Variants in MALRD1 observed in about 807,000 individuals in gnomAD.
The protein encoded by MALRD1 is MAM and LDL receptor class A domain containing 1.
MALRD1 carries 247 observed loss-of-function variants against 242.1 expected under a neutral mutation model. That is an observed-to-expected ratio of 1.02 (90% CI 0.92 to 1.13). The LOEUF is 1.13. Among genes scored for constraint, MALRD1 ranks in the 50% most tolerant of loss-of-function variants. The pLI, the probability that MALRD1 is intolerant of heterozygous loss-of-function variation, is 0.00. For missense variants in MALRD1, 2,989 were observed against 2,533.1 expected (o/e 1.18, Z -3.86); for synonymous variants, 995 against 866.6 (o/e 1.15, Z -2.60).
At chr10:19,608,674 T>C (rs1403793044) in intron 35 of MALRD1, among the ~76,000 whole-genome samples, 2 of 152,088 alleles carry the variant, frequency 1.3e-5, no homozygotes, top group Admixed American at 1.3e-4. Context: ...GAAAATACTC[T>C]GTATCTTTCA....
intron 5 of MALRD1, among the ~76,000 whole-genome samples, chr10:19,123,088 C>T (rs1837123155): frequency 6.6e-6 from 1 of 152,134 alleles, no homozygotes; most frequent in African/African-American, 2.4e-5. Context: ...GGAAGATCCA[C>T]CTTCCAGGTT....
chr10:19,637,869 G>A (rs188061482), intron 36 of MALRD1, among the ~76,000 whole-genome samples: 1 of 152,130 alleles, frequency 6.6e-6, no homozygotes, highest in African/African-American at 2.4e-5. Context: ...GGGAGGCCGA[G>A]GCAGGTGGAT....
At chr10:19,705,410 T>G (rs1833816919) in intron 38 of MALRD1, among the ~76,000 whole-genome samples, 3 of 152,170 alleles carry the variant, frequency 2.0e-5, no homozygotes. Context: ...CTCATAATGC[T>G]GGCAAAACCG....
intron 32 of MALRD1, among the ~76,000 whole-genome samples, chr10:19,544,023 GT>G (rs903749907): frequency 6.6e-5 from 10 of 151,140 alleles, no homozygotes; most frequent in African/African-American, 2.2e-4. Flanking sequence ...GCTGAATTGT[GT>G]TTTTTTTCAC....
chr10:19,607,749 C>T, intron 34 of MALRD1, 28 bp from the exon 35 acceptor site: 1 of 1,541,546 alleles, frequency 6.5e-7, no homozygotes, highest in Non-Finnish European at 8.7e-7. Context: ...TGCTGGCATC[C>T]CTGATCATTA....
chr10:19,407,101 C>G (rs1317549936), intron 28 of MALRD1, among the ~76,000 whole-genome samples: 1 of 152,110 alleles, frequency 6.6e-6, no homozygotes, highest in East Asian at 1.9e-4. Flanking sequence ...AATCTGGCTT[C>G]TATGAGCATG....
chr10:19,620,018 TA>T (rs1306034184), intron 36 of MALRD1, among the ~76,000 whole-genome samples: 417 of 37,810 alleles, frequency 0.011, 4 homozygotes, highest in African/African-American at 0.035. Flanking sequence ...ATAATAATAA[TA>T]AATAATAATA....
At chr10:19,367,755 A>G (rs1290899332) in intron 26 of MALRD1, among the ~76,000 whole-genome samples, 6 of 152,072 alleles carry the variant, frequency 3.9e-5, no homozygotes, top group Admixed American at 2.0e-4. Context: ...TTTTCTCTGC[A>G]TTCTCACCAG....
At chr10:19,108,423 T>A (rs1367913641) in intron 5 of MALRD1, among the ~76,000 whole-genome samples, 3 of 19,530 alleles carry the variant, frequency 1.5e-4, no homozygotes, top group Non-Finnish European at 2.3e-4. Context: ...TTTTTTTTTT[T>A]TTAAGACGGA....
chr10:19,602,382 T>C (rs1365843941), intron 34 of MALRD1, among the ~76,000 whole-genome samples: 1 of 142,164 alleles, frequency 7.0e-6, no homozygotes, highest in African/African-American at 2.7e-5. Flanking sequence ...TGTGTGATGT[T>C]ACCCTTCCTG....
chr10:19,683,422 C>T (rs1325171830), intron 36 of MALRD1, among the ~76,000 whole-genome samples: 3 of 152,158 alleles, frequency 2.0e-5, no homozygotes, highest in Non-Finnish European at 4.4e-5. Flanking sequence ...TCATGTGCAT[C>T]GTAATATTTA....
At chr10:19,584,498 G>T (rs1837292025) in intron 33 of MALRD1, among the ~76,000 whole-genome samples, 1 of 152,136 alleles carries the variant, frequency 6.6e-6, no homozygotes, top group African/African-American at 2.4e-5. Flanking sequence ...TAGTCATTCA[G>T]GAGCAGGTTG....
Position 19,555,093 on chromosome 10 carries a change from C to CA in MALRD1, c.5479-12408dup, listed in dbSNP as rs545914169. On this transcript the variant is annotated intron_variant, in intron 32 of 39. Coordinates refer to ENST00000454679, the MANE Select transcript of MALRD1 (RefSeq NM_001142308.3). ...TTTTAATAATCGCCATTCTGACTGG[C>CA]ATGAGATGATATCTCATTGTGTTTT... Among the ~76,000 whole-genome samples the CA allele has an allele frequency of 2.1e-3, 314 of 152,200 alleles. 2 individuals carry two copies. Among genetic ancestry groups the CA allele is most frequent in the African/African-American group, 6.2e-3 (258 of 41,540 alleles).
intron 2 of MALRD1, among the ~76,000 whole-genome samples, chr10:19,075,259 C>T (rs988750802): frequency 4.6e-5 from 7 of 152,082 alleles, no homozygotes; most frequent in African/African-American, 1.7e-4. Context: ...AATTTCCTAT[C>T]CTCTGGTTAT....
intron 23 of MALRD1, among the ~76,000 whole-genome samples, chr10:19,330,257 A>G (rs1843305565): frequency 6.6e-6 from 1 of 151,746 alleles, no homozygotes; most frequent in Non-Finnish European, 1.5e-5. Context: ...TGATAATGTG[A>G]GAGGCATGAT....
chr10:19,334,709 T>A (rs752329541), intron 24 of MALRD1, among the ~76,000 whole-genome samples: 1 of 152,150 alleles, frequency 6.6e-6, no homozygotes, highest in Non-Finnish European at 1.5e-5. Flanking sequence ...TCTGTATTTA[T>A]TACTATTTAT....
intron 18 of MALRD1, among the ~76,000 whole-genome samples, chr10:19,227,426 A>T (rs1235946314): frequency 1.3e-5 from 2 of 152,102 alleles, no homozygotes; most frequent in Admixed American, 6.6e-5. Context: ...TATTAAATGG[A>T]GAATATGAAC....
intron 26 of MALRD1, among the ~76,000 whole-genome samples, chr10:19,372,412 T>C (rs1218868804): frequency 1.3e-5 from 2 of 151,956 alleles, no homozygotes; most frequent in Non-Finnish European, 2.9e-5. Context: ...AATGATTTTA[T>C]CCAAAGTGTA....
chr10:19,414,378 G>T (rs1014591064), intron 28 of MALRD1, among the ~76,000 whole-genome samples: 1 of 152,140 alleles, frequency 6.6e-6, no homozygotes, highest in Non-Finnish European at 1.5e-5. Context: ...TAAGTGGTTT[G>T]TGACTCAGAA....
Sources: allele counts gnomAD v4.1 joint callset (sites outside exome capture counted in the v4.1 genomes callset), GRCh38; gene constraint gnomAD v4.1.1; transcripts MANE v1.5; gene names NCBI Gene and HGNC (gene_info 2026-07-23, HGNC 2026-07-21).